The following PBX3 variants were observed in gnomAD, a reference collection of about 807,000 sequenced individuals.
The protein encoded by PBX3 is pre-B-cell leukemia transcription factor 3.
A neutral mutation model predicts 48.5 loss-of-function variants in PBX3; 14 were observed. That is an observed-to-expected ratio of 0.29 (90% CI 0.19 to 0.45). The LOEUF (loss-of-function observed/expected upper bound fraction) is 0.45. PBX3 is among the 20% of genes least tolerant of loss of function. The pLI is 1.00. For missense variants in PBX3, 386 were observed against 546.7 expected, an observed-to-expected ratio of 0.71 and a Z score of 2.93; for synonymous variants, 210 against 200.3, an observed-to-expected ratio of 1.05 and a Z score of -0.41.
intron 2 of PBX3, among the ~76,000 whole-genome samples, chr9:125,793,366 A>AATATATATATATATATATATATATATAT (rs1554855765): frequency 9.8e-6 from 1 of 101,940 alleles, no homozygotes; most frequent in African/African-American, 4.2e-5. Flanking sequence ...GGAAAAAAAA[A>AATATATATATATATATATATATATATAT]ATATATATAT....
At chr9:125,843,898 T>G (rs1839355371) in intron 2 of PBX3, 1 of 452,976 alleles carries the variant, frequency 2.2e-6, no homozygotes, top group African/African-American at 2.0e-5. Flanking sequence ...CAGGGGTTAA[T>G]GTAGTATGGA....
intron 2 of PBX3, among the ~76,000 whole-genome samples, chr9:125,895,995 T>A (rs903123826): frequency 6.6e-6 from 1 of 152,092 alleles, no homozygotes; most frequent in African/African-American, 2.4e-5. Flanking sequence ...TTTTAATACT[T>A]GCTACTTTAC....
chr9:125,787,619 A>G (rs1271609749), intron 2 of PBX3, among the ~76,000 whole-genome samples: 11 of 152,152 alleles, frequency 7.2e-5, no homozygotes, highest in African/African-American at 2.7e-4. Flanking sequence ...AATGGATTAT[A>G]GGGGTCTGTT....
chr9:125,824,619 TAC>T (rs1252205387), intron 2 of PBX3, among the ~76,000 whole-genome samples: 1 of 152,168 alleles, frequency 6.6e-6, no homozygotes, highest in Non-Finnish European at 1.5e-5. Flanking sequence ...TCTAGAAAGA[TAC>T]AGTCTTTCAG....
chr9:125,812,125 C>G (rs771155497), intron 2 of PBX3, among the ~76,000 whole-genome samples: 1 of 152,186 alleles, frequency 6.6e-6, no homozygotes, highest in Non-Finnish European at 1.5e-5. Flanking sequence ...TCTTGGGCTT[C>G]CTAGCTTCCA....
chr9:125,750,422 T>C (rs1836338812), intron 2 of PBX3, among the ~76,000 whole-genome samples: 1 of 152,228 alleles, frequency 6.6e-6, no homozygotes, highest in African/African-American at 2.4e-5. Flanking sequence ...CAGAATTCAA[T>C]TAGGAAGCAT....
At chr9:125,840,770 G>A (rs1204961607) in intron 2 of PBX3, among the ~76,000 whole-genome samples, 1 of 151,998 alleles carries the variant, frequency 6.6e-6, no homozygotes, top group Non-Finnish European at 1.5e-5. Flanking sequence ...ATGTTACAGA[G>A]TTATTTCTTC....
chr9:125,959,855 G>A (rs1842389617), intron 5 of PBX3, among the ~76,000 whole-genome samples: 1 of 152,184 alleles, frequency 6.6e-6, no homozygotes, highest in Admixed American at 6.5e-5. Context: ...GTGGCTTTTA[G>A]CTTCTTTATA....
intron 3 of PBX3, among the ~76,000 whole-genome samples, chr9:125,916,370 T>C (rs1227557939): frequency 6.6e-6 from 1 of 152,192 alleles, no homozygotes; most frequent in Admixed American, 6.5e-5. Context: ...TTAATTCTTA[T>C]GGATTGTGCC....
intron 2 of PBX3, among the ~76,000 whole-genome samples, chr9:125,859,424 G>C (rs1839805896): frequency 2.0e-5 from 3 of 152,198 alleles, no homozygotes; most frequent in Non-Finnish European, 4.4e-5. Flanking sequence ...GGGTGGGACT[G>C]CAAACTTGAG....
chr9:125,897,141 G>GGTT (rs1554725493), intron 2 of PBX3, among the ~76,000 whole-genome samples: 3 of 108,932 alleles, frequency 2.8e-5, no homozygotes, highest in African/African-American at 1.1e-4. Flanking sequence ...TTCATTTGTG[G>GGTT]TTTTTTTTTT....
At chr9:125,951,294 A>G (rs1369334843) in intron 5 of PBX3, among the ~76,000 whole-genome samples, 5 of 152,200 alleles carry the variant, frequency 3.3e-5, no homozygotes, top group African/African-American at 1.2e-4. Flanking sequence ...GTACTTGTGC[A>G]GAACAATAGC....
intron 2 of PBX3, among the ~76,000 whole-genome samples, chr9:125,780,667 T>C (rs868153709): frequency 2.1e-3 from 215 of 101,032 alleles, no homozygotes; most frequent in South Asian, 0.014. Context: ...CCCTCCCGGA[T>C]GGGGCGGCTG....
chr9:125,805,577 G>A (rs2132110019), intron 2 of PBX3, among the ~76,000 whole-genome samples: 1 of 152,304 alleles, frequency 6.6e-6, no homozygotes, highest in Non-Finnish European at 1.5e-5. Context: ...ACTGATAGCA[G>A]TAAAGACGGA....
intron 2 of PBX3, chr9:125,845,050 T>C (rs974114100): frequency 9.9e-5 from 15 of 152,118 alleles, no homozygotes; most frequent in African/African-American, 3.1e-4. Flanking sequence ...TTTCATATTA[T>C]GGAAACTGAA....
intron 2 of PBX3, among the ~76,000 whole-genome samples, chr9:125,830,657 T>G (rs1336675260): frequency 1.3e-5 from 2 of 152,182 alleles, no homozygotes; most frequent in Admixed American, 6.5e-5. Context: ...TGGTTAACAT[T>G]TACTGGGCTC....
At chr9:125,790,926 T>C (rs1289794206) in intron 2 of PBX3, among the ~76,000 whole-genome samples, 1 of 151,976 alleles carries the variant, frequency 6.6e-6, no homozygotes, top group Non-Finnish European at 1.5e-5. Context: ...TTTTTTTTTT[T>C]TTTTTGAGAC....
chr9:125,854,546 G>A (rs1308355738), intron 2 of PBX3, among the ~76,000 whole-genome samples: 2 of 152,214 alleles, frequency 1.3e-5, no homozygotes, highest in East Asian at 1.9e-4. Context: ...GCCATTAATT[G>A]TACAAATTAA....
At chr9:125,827,652 T>C (rs1012009976) in intron 2 of PBX3, among the ~76,000 whole-genome samples, 1 of 152,158 alleles carries the variant, frequency 6.6e-6, no homozygotes, top group Non-Finnish European at 1.5e-5. Flanking sequence ...GATTTTGATA[T>C]CCGTGAATTG....
Sources: allele counts gnomAD v4.1 joint callset (sites outside exome capture counted in the v4.1 genomes callset), GRCh38; gene constraint gnomAD v4.1.1; transcripts MANE v1.5; gene names NCBI Gene and HGNC (gene_info 2026-07-23, HGNC 2026-07-21).